The following CTBP2 variants were observed in gnomAD, a reference collection of about 807,000 sequenced individuals.
The protein encoded by CTBP2 is C-terminal-binding protein 2.
CTBP2 carries 30 observed loss-of-function variants against 80.3 expected under a neutral mutation model. The ratio of observed to expected loss-of-function variants is 0.37; its 90% CI spans 0.28 to 0.51. The LOEUF (loss-of-function observed/expected upper bound fraction) is 0.51. Among genes scored for constraint, CTBP2 ranks in the 20% least tolerant of loss-of-function variants. CTBP2 has a pLI of 0.93. For synonymous variants in CTBP2, 594 were observed against 587.4 expected, an observed-to-expected ratio of 1.01 and a Z score of -0.16; for missense variants, 1,212 against 1,375.3, an observed-to-expected ratio of 0.88 and a Z score of 1.88.
At chr10:124,992,232 G>GT (rs1952761012) in intron 8 of CTBP2, among the ~76,000 whole-genome samples, 1 of 112,054 alleles carries the variant, frequency 8.9e-6, no homozygotes, top group African/African-American at 3.1e-5. Context: ...TTTTTTTGGT[G>GT]GTGGGGTGGG....
chr10:125,104,511 T>C (rs1014601041), intron 2 of CTBP2, among the ~76,000 whole-genome samples: 4 of 152,204 alleles, frequency 2.6e-5, no homozygotes, highest in African/African-American at 9.7e-5. Context: ...TATGTATAAA[T>C]GTCACTGTTC....
At chr10:125,106,397 CAGCA>C (rs1250135183) in intron 2 of CTBP2, among the ~76,000 whole-genome samples, 6 of 152,302 alleles carry the variant, frequency 3.9e-5, no homozygotes, top group African/African-American at 1.4e-4. Flanking sequence ...AGGCTTCCAC[CAGCA>C]AGGGACGCGG....
intron 1 of CTBP2, among the ~76,000 whole-genome samples, chr10:125,012,585 C>A (rs1956055074): frequency 1.3e-5 from 2 of 152,220 alleles, no homozygotes; most frequent in Admixed American, 6.5e-5. Flanking sequence ...TGTGGCCGAT[C>A]CTCCAAGCCT....
intron 2 of CTBP2, among the ~76,000 whole-genome samples, chr10:125,094,557 C>T (rs577711295): frequency 3.9e-5 from 6 of 152,170 alleles, no homozygotes; most frequent in South Asian, 2.1e-4. Context: ...GTGACAAGGG[C>T]CATGGAATCA....
chr10:125,018,703 G>A (rs1763651902), intron 1 of CTBP2, among the ~76,000 whole-genome samples: 1 of 152,180 alleles, frequency 6.6e-6, no homozygotes, highest in South Asian at 2.1e-4. Context: ...ACATTCCATG[G>A]GCCACCTGGG....
At chr10:125,032,609 C>T (rs3781402), upstream of CTBP2, among the ~76,000 whole-genome samples, 52 of 152,322 alleles carry the variant, frequency 3.4e-4, 1 homozygote, top group Admixed American at 2.9e-3. Context: ...AAGGCATGGC[C>T]GCTTAGCCCC....
chr10:125,047,416 G>A (rs1005827828), intron 2 of CTBP2, among the ~76,000 whole-genome samples: 2 of 152,244 alleles, frequency 1.3e-5, no homozygotes, highest in Non-Finnish European at 2.9e-5. Context: ...TACATACAGT[G>A]TGCAAGAAAT....
At chr10:125,098,732 G>C (rs11245502) in intron 2 of CTBP2, among the ~76,000 whole-genome samples, 5,043 of 125,482 alleles carry the variant, frequency 0.04, 280 homozygotes, top group African/African-American at 0.071. Context: ...GACAGAGAGA[G>C]AGAGAGAGAG....
chr10:124,993,718 C>A, intron 6 of CTBP2, 137 bp downstream of exon 8: 8 of 1,127,992 alleles, frequency 7.1e-6, no homozygotes, highest in Non-Finnish European at 1.0e-5. Flanking sequence ...CTTAGAAGAA[C>A]AGAGACTGTA....
chr10:125,097,687 A>G (rs1849746479), intron 2 of CTBP2, among the ~76,000 whole-genome samples: 1 of 152,148 alleles, frequency 6.6e-6, no homozygotes, highest in South Asian at 2.1e-4. Context: ...GAGCATGCAC[A>G]CGTGTGAGCA....
chr10:125,158,115 G>A (rs1374055550), intron 1 of CTBP2, among the ~76,000 whole-genome samples: 2 of 151,396 alleles, frequency 1.3e-5, no homozygotes, highest in Non-Finnish European at 2.9e-5. Flanking sequence ...ACAAAAACAA[G>A]ATCCTTTAAA....
In CTBP2 at chr10:125,048,382, G is replaced by C. The variant is rs557519252; in HGVS notation, c.-101-9227C>G. ...AATAAGATCAGCTACTCCTAGAAGG[G>C]AAGGCCTGGGCCCATGGATGAGATG... is the stretch of plus-strand genomic sequence containing the variant. On this transcript the variant is annotated intron_variant, in intron 2 of 10. Transcript: ENST00000337195. Among the ~76,000 whole-genome samples the C allele has an allele frequency of 2.0e-5, 3 of 152,316 alleles. No individual in the cohort carries two copies. The South Asian group carries it at 6.2e-4, about 32-fold the overall frequency.
intron 2 of CTBP2, among the ~76,000 whole-genome samples, chr10:125,068,518 G>A (rs1844982394): frequency 6.6e-6 from 1 of 152,202 alleles, no homozygotes; most frequent in African/African-American, 2.4e-5. Flanking sequence ...TAACACACAG[G>A]CCACAGGTTT....
chr10:125,123,982 A>G (rs887370803), intron 1 of CTBP2, among the ~76,000 whole-genome samples: 6 of 152,232 alleles, frequency 3.9e-5, no homozygotes, highest in African/African-American at 1.4e-4. Context: ...TAACAACTTC[A>G]GGACTCCCTG....
At position 124,987,221 on chromosome 10, in the gene CTBP2, T is replaced by C. The variant is rs1435371467; in HGVS notation, c.*2297A>G. ...GAATATAGTCCTTTTTCAAAGATGA[T>C]TATACGTGGCTAGGTGACAGACATT... On this transcript the variant is annotated 3_prime_UTR_variant, in exon 9 of 9. Coordinates refer to ENST00000309035, the MANE Select transcript of CTBP2 (RefSeq NM_022802.3). 1 of 152,544 alleles carries C rather than the reference T, an allele frequency of 6.6e-6. No individual in the cohort carries two copies. Among genetic ancestry groups the C allele is most frequent in the Non-Finnish European group, 1.5e-5 (1 of 68,026 alleles). The allele number at this position is 152,544 out of a possible 1,614,324, so 9.4% of individuals were successfully genotyped here.
chr10:125,132,597 C>A (rs1790916615), intron 1 of CTBP2, among the ~76,000 whole-genome samples: 1 of 152,132 alleles, frequency 6.6e-6, no homozygotes, highest in Non-Finnish European at 1.5e-5. Context: ...CCCAGCACAC[C>A]CCCAAACTCT....
chr10:125,067,214 A>G (rs1475936686), intron 2 of CTBP2, among the ~76,000 whole-genome samples: 1 of 152,230 alleles, frequency 6.6e-6, no homozygotes, highest in East Asian at 1.9e-4. Context: ...GACAATCCAC[A>G]AAATATACTA....
chr10:125,121,218 C>T (rs564655297), intron 1 of CTBP2, among the ~76,000 whole-genome samples: 11 of 152,372 alleles, frequency 7.2e-5, no homozygotes, highest in African/African-American at 2.6e-4. Context: ...CCTGTACCTC[C>T]CTCATGGGGC....
At chr10:124,991,116 C>G (rs112584426) in intron 8 of CTBP2, among the ~76,000 whole-genome samples, 3,174 of 152,330 alleles carry the variant, frequency 0.021, 122 homozygotes, top group African/African-American at 0.072. Context: ...ATTGCAAGCA[C>G]GAAGTGCTGT....
Sources: gnomAD v4.1 joint callset for allele counts (sites outside exome capture counted in the v4.1 genomes callset) on GRCh38, gnomAD v4.1.1 for gene constraint, MANE v1.5 for transcripts, NCBI Gene and HGNC (gene_info 2026-07-23, HGNC 2026-07-21) for gene names.